The following PKD1L1 variants were observed in gnomAD, a reference collection of about 807,000 sequenced individuals.
The protein encoded by PKD1L1 is polycystin-1-like protein 1.
PKD1L1 carries 236 observed loss-of-function variants against 323.4 expected under a neutral mutation model. The ratio of observed to expected loss-of-function variants is 0.73; its 90% CI spans 0.66 to 0.81. The LOEUF is 0.81. Among genes scored for constraint, PKD1L1 ranks in the 40% least tolerant of loss-of-function variants. PKD1L1 has a pLI of 0.00. For synonymous variants in PKD1L1, 1,344 were observed against 1,335.0 expected, an observed-to-expected ratio of 1.01 and a Z score of -0.15; for missense variants, 3,320 against 3,508.0, an observed-to-expected ratio of 0.95 and a Z score of 1.35.
chr7:47,858,610 A>G (rs1220059030), intron 27 of PKD1L1, 63 bp downstream of exon 27: 2 of 1,458,318 alleles, frequency 1.4e-6, no homozygotes, highest in African/African-American at 3.0e-5. Context: ...AATTACAAAT[A>G]CAGGTTAACA....
chr7:47,851,689 A>G (rs1785785750), intron 31 of PKD1L1, among the ~76,000 whole-genome samples: 1 of 152,200 alleles, frequency 6.6e-6, no homozygotes, highest in Non-Finnish European at 1.5e-5. Flanking sequence ...TTCCCCAAGC[A>G]AATTACCAAA....
chr7:47,892,111 A>T (rs1021828841), intron 15 of PKD1L1, among the ~76,000 whole-genome samples: 1 of 152,204 alleles, frequency 6.6e-6, no homozygotes. Context: ...CAGAGCAGTG[A>T]CCATAGTAAG....
chr7:47,940,042 A>G, intron 3 of PKD1L1, 151 bp downstream of exon 3: 2 of 1,058,618 alleles, frequency 1.9e-6, no homozygotes, highest in East Asian at 2.4e-5. Flanking sequence ...TTAAGGCTTT[A>G]TAAGTCACAC....
At chr7:47,880,303 A>G (rs1366332710) in intron 21 of PKD1L1, among the ~76,000 whole-genome samples, 2 of 36,588 alleles carry the variant, frequency 5.5e-5, no homozygotes, top group Non-Finnish European at 4.7e-5. Flanking sequence ...TTTTTTTTTG[A>G]GACAGTCTTG....
At chr7:47,829,374 T>C (rs754801207) in intron 44 of PKD1L1, 51 bp downstream of exon 44, 1 of 1,496,710 alleles carries the variant, frequency 6.7e-7, no homozygotes, top group Non-Finnish European at 9.0e-7. Flanking sequence ...TGATAGAATA[T>C]AAAGTAGTTT....
intron 49 of PKD1L1, among the ~76,000 whole-genome samples, chr7:47,812,821 T>G (rs901994273): frequency 2.6e-5 from 4 of 152,262 alleles, no homozygotes; most frequent in Non-Finnish European, 5.9e-5. Context: ...AACACCCAGC[T>G]TGGCACAAGG....
chr7:47,816,082 G>T (rs1369147809), intron 46 of PKD1L1, among the ~76,000 whole-genome samples: 1 of 152,164 alleles, frequency 6.6e-6, no homozygotes, highest in Non-Finnish European at 1.5e-5. Context: ...GAGCGCCGGG[G>T]CTAGGGTAAA....
intron 32 of PKD1L1, among the ~76,000 whole-genome samples, chr7:47,846,060 G>A (rs1431805789): frequency 1.3e-5 from 2 of 152,192 alleles, no homozygotes; most frequent in East Asian, 3.8e-4. Flanking sequence ...AAATTTAAGA[G>A]TGTAACATAA....
At chr7:47,895,207 G>A (rs1467850451) in intron 14 of PKD1L1, among the ~76,000 whole-genome samples, 2 of 152,186 alleles carry the variant, frequency 1.3e-5, no homozygotes, top group African/African-American at 2.4e-5. Context: ...AGAGACAGCA[G>A]AAGTTACCTT....
intron 56 of PKD1L1, among the ~76,000 whole-genome samples, chr7:47,785,477 G>A (rs1786785646): frequency 6.6e-6 from 1 of 152,098 alleles, no homozygotes; most frequent in African/African-American, 2.4e-5. Flanking sequence ...CTTACAGCAT[G>A]CAGACACGAA....
At chr7:47,904,287 G>C (rs1225100601) in intron 12 of PKD1L1, 91 bp downstream of exon 12, 10 of 1,543,532 alleles carry the variant, frequency 6.5e-6, no homozygotes, top group African/African-American at 1.4e-5. Flanking sequence ...CTGACAGGCA[G>C]GTCTCTATGT....
At chr7:47,782,892 A>G (rs1006656211) in intron 56 of PKD1L1, among the ~76,000 whole-genome samples, 2 of 152,188 alleles carry the variant, frequency 1.3e-5, no homozygotes, top group Non-Finnish European at 2.9e-5. Context: ...GCTGTACTAG[A>G]TTTTACCAAA....
intron 15 of PKD1L1, 82 bp from the exon 16 acceptor site, chr7:47,890,845 C>G: frequency 1.6e-6 from 2 of 1,275,900 alleles, no homozygotes; most frequent in Non-Finnish European, 2.2e-6. Flanking sequence ...CGGGTTTTCC[C>G]CAGGTGAGGG....
At chr7:47,790,743 G>GTTTTATTTTTTAT (rs1194596980) in intron 56 of PKD1L1, among the ~76,000 whole-genome samples, 2 of 149,710 alleles carry the variant, frequency 1.3e-5, no homozygotes, top group Non-Finnish European at 3.0e-5. Flanking sequence ...ATTAGTGTGT[G>GTTTTATTTTTTAT]TTTTATTTTT....
At chr7:47,785,562 G>A (rs971221102) in intron 56 of PKD1L1, among the ~76,000 whole-genome samples, 2 of 151,948 alleles carry the variant, frequency 1.3e-5, no homozygotes, top group African/African-American at 2.4e-5. Flanking sequence ...TACAGAGTAG[G>A]ATGTAAAGAC....
At chr7:47,945,212 C>T (rs995478835) in intron 1 of PKD1L1, among the ~76,000 whole-genome samples, 1 of 152,212 alleles carries the variant, frequency 6.6e-6, no homozygotes, top group Non-Finnish European at 1.5e-5. Flanking sequence ...TAAAGGTGTT[C>T]GCCTTTGTTC....
intron 7 of PKD1L1, among the ~76,000 whole-genome samples, chr7:47,928,282 C>G (rs187526618): frequency 4.6e-5 from 7 of 151,992 alleles, no homozygotes; most frequent in African/African-American, 1.7e-4. Flanking sequence ...AACAAAAGGC[C>G]GGGGGGGAAG....
Position 47,829,437 on chromosome 7 carries a change from G to C in PKD1L1, c.6723C>G (p.Gly2241=). The change falls in exon 44 of 57, where the codon GGC becomes GGG. Residue 2241 remains glycine, a synonymous_variant. Transcript: ENST00000289672. ...TAATTTTTTTTACTTTTTCAACCTC[G>C]CCTGCACAGTCAGGAATACTGCAGC... ...SSSCSIPDCA[G]EVEKVLAARQ... is the part of the protein sequence containing the mutation. The C allele has an allele frequency of 6.2e-7, 1 of 1,605,858 alleles. No individual in the cohort carries two copies.
chr7:47,855,973 T>C (rs1459920397), intron 28 of PKD1L1, among the ~76,000 whole-genome samples: 3 of 151,946 alleles, frequency 2.0e-5, no homozygotes, highest in Non-Finnish European at 4.4e-5. Flanking sequence ...TTTCAGGATG[T>C]TGAGTATCAA....
Sources: gnomAD v4.1 joint callset for allele counts (sites outside exome capture counted in the v4.1 genomes callset) on GRCh38, gnomAD v4.1.1 for gene constraint, MANE v1.5 for transcripts, NCBI Gene and HGNC (gene_info 2026-07-23, HGNC 2026-07-21) for gene names.